Variants in JAK1 observed in about 807,000 individuals in gnomAD.
JAK1 encodes the protein tyrosine-protein kinase JAK1.
Under a neutral mutation model 136.6 loss-of-function variants are expected in JAK1, and 16 were observed. The observed-to-expected ratio is 0.12, with a 90% CI of 0.08 to 0.18. The LOEUF (loss-of-function observed/expected upper bound fraction) is 0.18, where lower values mean the gene tolerates loss of function less well. JAK1 is among the 10% of genes least tolerant of loss of function. JAK1 has a pLI of 1.00. For missense variants in JAK1, 859 were observed against 1,450.1 expected, an observed-to-expected ratio of 0.59 and a Z score of 6.62; for synonymous variants, 492 against 519.5, an observed-to-expected ratio of 0.95 and a Z score of 0.72.
chr1:65,061,107 A>G (rs1322573517), intron 1 of JAK1, among the ~76,000 whole-genome samples: 1 of 152,222 alleles, frequency 6.6e-6, no homozygotes, highest in Non-Finnish European at 1.5e-5. Context: ...CTGGCACACC[A>G]AAGAACTTTT....
chr1:64,835,626 T>C (rs1325096779), intron 23 of JAK1, 120 bp from the exon 24 acceptor site: 1 of 667,570 alleles, frequency 1.5e-6, no homozygotes, highest in African/African-American at 1.9e-5. Flanking sequence ...AAAAGGCTTT[T>C]CTCCTTAGTA....
intron 2 of JAK1, among the ~76,000 whole-genome samples, chr1:64,885,580 C>G (rs1196571328): frequency 2.6e-5 from 4 of 152,038 alleles, no homozygotes; most frequent in Admixed American, 2.6e-4. Context: ...GGTGAAACCC[C>G]TGTCTCCACT....
chr1:64,854,856 CCT>C (rs369554814), intron 11 of JAK1, among the ~76,000 whole-genome samples: 3 of 152,178 alleles, frequency 2.0e-5, no homozygotes, highest in African/African-American at 7.2e-5. Flanking sequence ...CCCGCCCATG[CCT>C]CTGTTTGCAC....
chr1:65,008,242 G>A lies in JAK1; in HGVS notation c.-78+36238C>T, dbSNP rs371271023. Among the ~76,000 whole-genome samples the A allele has an allele frequency of 1.2e-4, 18 of 152,276 alleles. 1 individual carries two copies. Among genetic ancestry groups the A allele is most frequent in the Admixed American group, 3.3e-4 (5 of 15,292 alleles). The stretch of plus-strand genomic sequence containing the variant: ...AAAGCCCAGGGGAGCAGGAAAGCAA[G>A]GAGAAAAGCCCGGGCAAAAGCCTGA... On this transcript the variant is annotated intron_variant, in intron 2 of 25. Coordinates refer to the JAK1 transcript ENST00000671954.
rs756772352 is a variant in JAK1, at chr1:64,945,671, G to A, written c.-78+20662C>T. 1.2e-4 allele frequency among the ~76,000 whole-genome samples: 17 copies of A among 137,458 alleles called. No homozygotes were observed. In the South Asian group the frequency reaches 1.8e-3, roughly 14 times the overall value. 90.2% of individuals were successfully genotyped at this position (137,458 alleles called of 152,430 possible). ...TAAGGAAACAGGGAACGAAGTTGAC[G>A]GACAAACAAAAATGGGAGCAAACCT... On this transcript the variant is annotated intron_variant, in intron 1 of 24. Coordinates refer to ENST00000342505, the MANE Select transcript of JAK1 (RefSeq NM_002227.4).
At chr1:64,977,454 C>CTTTTT (rs60862617) in intron 2 of JAK1, among the ~76,000 whole-genome samples, 1 of 141,440 alleles carries the variant, frequency 7.1e-6, no homozygotes, top group Admixed American at 7.0e-5. Flanking sequence ...ACCCAGCCAT[C>CTTTTT]TTTTTTTTTT....
chr1:65,031,762 G>GA (rs1249074955), intron 2 of JAK1, among the ~76,000 whole-genome samples: 1 of 151,614 alleles, frequency 6.6e-6, no homozygotes, highest in Non-Finnish European at 1.5e-5. Flanking sequence ...AATTTTTTCA[G>GA]AAAAAAATCA....
chr1:64,924,430 TTA>T (rs1440423830), intron 1 of JAK1, among the ~76,000 whole-genome samples: 1 of 152,162 alleles, frequency 6.6e-6, no homozygotes, highest in Non-Finnish European at 1.5e-5. Flanking sequence ...GCTGTGCACA[TTA>T]TAGGATTCCT....
At chr1:64,841,377 CGATTGCCAGG>C in intron 18 of JAK1, 38 bp from the exon 19 acceptor site, 1 of 1,611,822 alleles carries the variant, frequency 6.2e-7, no homozygotes, top group East Asian at 2.2e-5. Flanking sequence ...GAAAGGCAGT[CGATTGCCAGG>C]GATTGCCACC....
chr1:64,871,716 A>G (rs946954136), intron 5 of JAK1, among the ~76,000 whole-genome samples: 1 of 152,148 alleles, frequency 6.6e-6, no homozygotes, highest in Non-Finnish European at 1.5e-5. Flanking sequence ...TATCAATTCT[A>G]TCTTCAAGAT....
intron 1 of JAK1, among the ~76,000 whole-genome samples, chr1:64,931,295 A>G (rs1291300880): frequency 6.6e-6 from 1 of 152,132 alleles, no homozygotes; most frequent in East Asian, 1.9e-4. Flanking sequence ...GCAAATTCTA[A>G]GTACACCTGG....
intron 2 of JAK1, among the ~76,000 whole-genome samples, chr1:65,015,668 T>C (rs1646886697): frequency 6.6e-6 from 1 of 152,156 alleles, no homozygotes; most frequent in South Asian, 2.1e-4. Context: ...CTTATAGATA[T>C]TCAAACAGGT....
In JAK1 at chr1:64,899,955, T is replaced by C. The variant is rs78890422; in HGVS notation, c.-77-13614A>G. On this transcript the variant is annotated intron_variant, in intron 1 of 24. Transcript: ENST00000342505. ...GGTGACAAAATGGATGGGGAGGACA[T>C]TACAAGAATAATTACCTGTGAGTAT... Among the ~76,000 whole-genome samples the C allele has an allele frequency of 1.7e-3, 261 of 152,330 alleles. 9 individuals are homozygous for C. In the East Asian group the frequency reaches 0.046, roughly 27 times the overall value.
chr1:64,876,190 GA>G, intron 4 of JAK1: 1 of 152,304 alleles, frequency 6.6e-6, no homozygotes, highest in Non-Finnish European at 1.5e-5. Flanking sequence ...GGCAGGAGGG[GA>G]AAAGGCAGAT....
chr1:64,849,445 C>G (rs889360119), intron 12 of JAK1, among the ~76,000 whole-genome samples: 2 of 152,204 alleles, frequency 1.3e-5, no homozygotes, highest in East Asian at 3.9e-4. Flanking sequence ...ATCCTCCCGC[C>G]TTGGCCTCTC....
At chr1:64,846,459 G>A (rs1405145719) in intron 14 of JAK1, among the ~76,000 whole-genome samples, 190 bp downstream of exon 14, 1 of 152,078 alleles carries the variant, frequency 6.6e-6, no homozygotes, top group Non-Finnish European at 1.5e-5. Context: ...TGAATGAAAA[G>A]CAATTGGTTT....
intron 3 of JAK1, among the ~76,000 whole-genome samples, chr1:64,882,246 T>C (rs1020354911): frequency 1.3e-5 from 2 of 152,118 alleles, no homozygotes; most frequent in East Asian, 1.9e-4. Context: ...AGAAAGAAGG[T>C]AGGTTTTCTA....
At position 64,839,811 on chromosome 1, in the gene JAK1, C is replaced by A. The variant is rs2100964659; in HGVS notation, c.2650-16G>T. On this transcript the variant is annotated splice_polypyrimidine_tract_variant and intron_variant, in intron 19 of 24. Coordinates refer to ENST00000342505, the MANE Select transcript of JAK1 (RefSeq NM_002227.4). Reference sequence around the variant, plus strand: ...CAAAGTGGCCCTGGAGGGAAAGATGCATGTGCTGTTATCAGGGAAGCCCCA... The same window carrying A: ...CAAAGTGGCCCTGGAGGGAAAGATGAATGTGCTGTTATCAGGGAAGCCCCA... 1 of 1,591,660 alleles carries A rather than the reference C, an allele frequency of 6.3e-7. No homozygotes were observed.
At chr1:64,979,667 T>C (rs1382970393) in intron 2 of JAK1, 3 of 152,236 alleles carry the variant, frequency 2.0e-5, no homozygotes, top group African/African-American at 7.2e-5. Context: ...TAGGGTACTA[T>C]ACTAGGCCCT....
Sources: allele counts gnomAD v4.1 joint callset (sites outside exome capture counted in the v4.1 genomes callset), GRCh38; gene constraint gnomAD v4.1.1; transcripts MANE v1.5; gene names NCBI Gene and HGNC (gene_info 2026-07-23, HGNC 2026-07-21).